Variants in COP1 observed in about 807,000 individuals in gnomAD.
COP1 encodes E3 ubiquitin-protein ligase COP1.
COP1 carries 24 observed loss-of-function variants against 101.3 expected under a neutral mutation model. The observed-to-expected ratio is 0.24, with a 90% CI of 0.17 to 0.33. The LOEUF (loss-of-function observed/expected upper bound fraction) is 0.33, where lower values mean the gene tolerates loss of function less well. Ranked by LOEUF, COP1 falls within the 10% of genes least tolerant of loss-of-function variation. The pLI, the probability that COP1 is intolerant of heterozygous loss-of-function variation, is 1.00. For synonymous variants in COP1, 347 were observed against 341.9 expected, an observed-to-expected ratio of 1.01 and a Z score of -0.17; for missense variants, 663 against 906.2, an observed-to-expected ratio of 0.73 and a Z score of 3.45.
At chr1:176,030,011 G>T (rs1340754230) in intron 14 of COP1, among the ~76,000 whole-genome samples, 2 of 152,022 alleles carry the variant, frequency 1.3e-5, no homozygotes, top group African/African-American at 4.8e-5. Context: ...GAGTGCACTG[G>T]TATGATCATA....
chr1:176,166,911 T>C (rs928946556), intron 3 of COP1, among the ~76,000 whole-genome samples: 5 of 152,206 alleles, frequency 3.3e-5, no homozygotes, highest in Admixed American at 1.3e-4. Flanking sequence ...TACTCCAGCC[T>C]GCATGACAGA....
At chr1:176,130,454 T>C (rs1688702575) in intron 8 of COP1, among the ~76,000 whole-genome samples, 1 of 151,784 alleles carries the variant, frequency 6.6e-6, no homozygotes, top group Non-Finnish European at 1.5e-5. Flanking sequence ...TTCCTTAGAA[T>C]TTAAAACAGA....
intron 9 of COP1, among the ~76,000 whole-genome samples, chr1:176,104,830 T>G (rs995877086): frequency 2.6e-5 from 4 of 152,158 alleles, no homozygotes; most frequent in African/African-American, 9.7e-5. Context: ...TGAAAATACA[T>G]AGGCACAAAT....
chr1:176,196,655 C>T (rs812066), intron 1 of COP1, among the ~76,000 whole-genome samples: 149,972 of 152,276 alleles, frequency 0.98, 73,904 homozygotes, highest in East Asian at 1. Context: ...ATGGCTTCAC[C>T]AGTAAGTTCC....
intron 5 of COP1, among the ~76,000 whole-genome samples, chr1:176,154,222 G>A (rs548032700): frequency 6.6e-6 from 1 of 152,060 alleles, no homozygotes; most frequent in Non-Finnish European, 1.5e-5. Context: ...TAATTTTGGA[G>A]CTCTTTATTG....
chr1:175,968,672 C>A (rs1482322564), intron 18 of COP1: 13 of 353,954 alleles, frequency 3.7e-5, no homozygotes, highest in South Asian at 2.6e-4. Flanking sequence ...TAAGAAGGCA[C>A]ACTTAGCATA....
chr1:175,985,783 A>C (rs1432849748), intron 18 of COP1, among the ~76,000 whole-genome samples: 9 of 152,216 alleles, frequency 5.9e-5, no homozygotes, highest in Non-Finnish European at 4.4e-5. Flanking sequence ...ACTTGGAGGA[A>C]GGGTTGGTCC....
chr1:176,113,034 A>G (rs1211613634), intron 9 of COP1, among the ~76,000 whole-genome samples: 2 of 152,190 alleles, frequency 1.3e-5, no homozygotes, highest in African/African-American at 4.8e-5. Flanking sequence ...ATGGGAGTGC[A>G]GGTATCTCTT....
chr1:176,132,640 T>A (rs923157499), intron 8 of COP1, among the ~76,000 whole-genome samples: 1 of 32,036 alleles, frequency 3.1e-5, no homozygotes, highest in Non-Finnish European at 5.8e-5. Context: ...TATACACATA[T>A]GTACGTATAT....
intron 18 of COP1, among the ~76,000 whole-genome samples, chr1:175,956,337 C>T (rs1650649311): frequency 6.6e-6 from 1 of 151,990 alleles, no homozygotes; most frequent in Non-Finnish European, 1.5e-5. Context: ...AAAAAGTAAA[C>T]TTCAATCCTT....
rs1004115778 is a variant in COP1 at position 176,040,663 on chromosome 1, T to C, written c.1612+2523A>G. Among the ~76,000 whole-genome samples, 6 of 152,202 alleles carry C rather than the reference T, an allele frequency of 3.9e-5. No homozygotes were observed. In the South Asian group the frequency reaches 1.2e-3, roughly 31 times the overall value. ...TATTCCATTCTGTATATAGTAGGAA[T>C]AAACAACTTGCTACTCTATGGCCCA... On this transcript the variant is annotated intron_variant, in intron 14 of 19. Transcript: ENST00000367669.
intron 6 of COP1, among the ~76,000 whole-genome samples, chr1:176,138,589 G>A (rs1690163740): frequency 6.6e-6 from 1 of 152,132 alleles, no homozygotes; most frequent in Non-Finnish European, 1.5e-5. Flanking sequence ...CTGCTCAATT[G>A]ATAAAGTCTC....
intron 14 of COP1, among the ~76,000 whole-genome samples, chr1:176,040,273 CCTCT>C (rs1373135480): frequency 3.9e-5 from 6 of 151,906 alleles, no homozygotes; most frequent in Admixed American, 2.6e-4. Context: ...CACCTCCCTT[CCTCT>C]CTCTCTCCTT....
intron 1 of COP1, 132 bp downstream of exon 1, chr1:176,206,440 T>A (rs1243789280): frequency 1.9e-6 from 2 of 1,062,266 alleles, no homozygotes; most frequent in East Asian, 2.6e-5. Context: ...CGATTCCCTC[T>A]GCAGACACCA....
chr1:176,087,370 G>A, intron 9 of COP1, among the ~76,000 whole-genome samples: 1 of 152,098 alleles, frequency 6.6e-6, no homozygotes, highest in East Asian at 1.9e-4. Flanking sequence ...CTGACAAACG[G>A]CTAAAATCTA....
rs573679353 is a variant in COP1, at chr1:176,198,580, TA to T, written c.407+7991del. ...GCTAGAACACAAAAATTAAAAATAATAAAAATCAATTTGGACTTAAAACTGA... is the reference window on the plus strand; with the variant it reads ...GCTAGAACACAAAAATTAAAAATAATAAAATCAATTTGGACTTAAAACTGA... On this transcript the variant is annotated intron_variant, in intron 1 of 19. Transcript: ENST00000367669. 3.1e-3 allele frequency among the ~76,000 whole-genome samples: 478 copies of T among 152,134 alleles called. 1 individual carries two copies. The highest frequency in any genetic ancestry group is 5.6e-3 in the Non-Finnish European group (378 of 67,960).
chr1:176,050,578 C>T (rs1269877018), intron 11 of COP1, among the ~76,000 whole-genome samples: 1 of 152,032 alleles, frequency 6.6e-6, no homozygotes, highest in African/African-American at 2.4e-5. Context: ...TTTAAGGAAA[C>T]AAAATATACG....
chr1:176,058,190 G>GGT (rs1251703890), intron 11 of COP1, among the ~76,000 whole-genome samples: 1 of 149,490 alleles, frequency 6.7e-6, no homozygotes, highest in Non-Finnish European at 1.5e-5. Context: ...GGGAGGGGGG[G>GGT]GGTCAGCCCC....
At chr1:176,004,028 G>C (rs1245809784) in intron 15 of COP1, among the ~76,000 whole-genome samples, 2 of 145,962 alleles carry the variant, frequency 1.4e-5, no homozygotes, top group African/African-American at 5.0e-5. Flanking sequence ...TTATTTCCTT[G>C]AGCAGTGGTT....
Sources: allele counts gnomAD v4.1 joint callset (sites outside exome capture counted in the v4.1 genomes callset), GRCh38; gene constraint gnomAD v4.1.1; transcripts MANE v1.5; gene names NCBI Gene and HGNC (gene_info 2026-07-23, HGNC 2026-07-21).